SUGT1: variants seen among roughly 807,000 people sequenced by gnomAD.
SUGT1 encodes SGT1 assembly cochaperone of MIS12 kinetochore complex.
SUGT1 carries 15 observed loss-of-function variants against 56.1 expected under a neutral mutation model. The ratio of observed to expected loss-of-function variants is 0.27; its 90% CI spans 0.18 to 0.41. The LOEUF (loss-of-function observed/expected upper bound fraction) is 0.41, where lower values mean the gene tolerates loss of function less well. SUGT1 is among the 10% of genes least tolerant of loss of function. SUGT1 has a pLI of 1.00. For missense variants in SUGT1, 347 were observed against 382.2 expected (o/e 0.91, Z 0.77); for synonymous variants, 123 against 128.6 (o/e 0.96, Z 0.30).
chr13:52,659,284 C>A (rs1962313500), intron 5 of SUGT1, 35 bp downstream of exon 5: 1 of 1,284,826 alleles, frequency 7.8e-7, no homozygotes, highest in Non-Finnish European at 1.0e-6. Context: ...ATAAACTTAT[C>A]TATTTCTGTC....
In SUGT1 at chr13:52,699,379, G is replaced by T. The variant is rs573675290; in HGVS notation, c.*11544G>T. 1 of 152,288 alleles carries T rather than the reference G, an allele frequency of 6.6e-6. No homozygotes were observed. The highest frequency in any genetic ancestry group is 2.4e-5 in the African/African-American group (1 of 41,558). The allele number at this position is 152,288 out of a possible 1,614,324, so 9.4% of individuals were successfully genotyped here. Reference sequence around the variant, plus strand: ...CTGAGCAGAGAAATACTCAGAGAGAGCCATGGCATAGTACTAATTAATAAT... The same window carrying T: ...CTGAGCAGAGAAATACTCAGAGAGATCCATGGCATAGTACTAATTAATAAT... On this transcript the variant is annotated 3_prime_UTR_variant, in exon 13 of 13. Coordinates refer to ENST00000310528, the MANE Select transcript of SUGT1 (RefSeq NM_006704.5).
intron 10 of SUGT1, 64 bp downstream of exon 10, chr13:52,666,983 A>C: frequency 3.7e-6 from 4 of 1,077,126 alleles, no homozygotes; most frequent in Non-Finnish European, 5.6e-6. Flanking sequence ...CTGGTGAACT[A>C]ATCACCCATG....
At chr13:52,684,647 T>A (rs1285239132) in intron 12 of SUGT1, among the ~76,000 whole-genome samples, 1 of 152,042 alleles carries the variant, frequency 6.6e-6, no homozygotes, top group Non-Finnish European at 1.5e-5. Flanking sequence ...CGAGTAATCC[T>A]CCTGAGTAGC....
intron 8 of SUGT1, among the ~76,000 whole-genome samples, chr13:52,664,773 C>T (rs1360208370): frequency 6.6e-6 from 1 of 152,104 alleles, no homozygotes; most frequent in African/African-American, 2.4e-5. Context: ...CTTTGACTTG[C>T]CCTGGTGGCA....
At chr13:52,685,484 T>G (rs74088630) in intron 12 of SUGT1, among the ~76,000 whole-genome samples, 2,091 of 152,270 alleles carry the variant, frequency 0.014, 46 homozygotes, top group African/African-American at 0.048. Flanking sequence ...TACATCTACT[T>G]GATCTTCCCA....
At chr13:52,684,895 G>C (rs570909695) in intron 12 of SUGT1, among the ~76,000 whole-genome samples, 1 of 80,932 alleles carries the variant, frequency 1.2e-5, no homozygotes, top group Non-Finnish European at 2.3e-5. Flanking sequence ...GAGAGAGCAG[G>C]GGTTTGTTGG....
At position 52,686,428 on chromosome 13, in the gene SUGT1, T is replaced by C. The variant is rs552310023; in HGVS notation, c.901-1306T>C. Among the ~76,000 whole-genome samples the C allele has an allele frequency of 2.4e-4, 36 of 152,280 alleles. No individual in the cohort carries two copies. In the South Asian group the frequency reaches 7.5e-3, roughly 32 times the overall value. On this transcript the variant is annotated intron_variant, in intron 12 of 12. Transcript: ENST00000310528. Reference sequence around the variant, plus strand: ...AAGATAGAACCTTAAATTGCAACAATGCACTGTGACACATGTTATGTAAAT... The same window carrying C: ...AAGATAGAACCTTAAATTGCAACAACGCACTGTGACACATGTTATGTAAAT...
At chr13:52,657,879 A>G (rs762316480) in intron 3 of SUGT1, among the ~76,000 whole-genome samples, 9 of 152,190 alleles carry the variant, frequency 5.9e-5, no homozygotes, top group Non-Finnish European at 1.2e-4. Flanking sequence ...CATCACATTT[A>G]CTATTTGACA....
chr13:52,660,997 A>G (rs1962420243), intron 5 of SUGT1, among the ~76,000 whole-genome samples: 1 of 152,020 alleles, frequency 6.6e-6, no homozygotes, highest in Admixed American at 6.6e-5. Context: ...TTTTTTGCAG[A>G]GATGGGGATT....
Position 52,695,776 on chromosome 13 carries a change from A to G in SUGT1, c.*7941A>G, listed in dbSNP as rs1040933009. 3 of 152,206 alleles carry G rather than the reference A, an allele frequency of 2.0e-5. No individual in the cohort carries two copies. Among genetic ancestry groups the G allele is most frequent in the African/African-American group, 7.2e-5 (3 of 41,450 alleles). The allele number at this position is 152,206 out of a possible 1,614,324, so 9.4% of individuals were successfully genotyped here. A position where few individuals can be genotyped will look rare whatever the true frequency, so the allele number is the denominator to read the frequency against. On this transcript the variant is annotated 3_prime_UTR_variant, in exon 13 of 13. Coordinates refer to ENST00000310528, the MANE Select transcript of SUGT1 (RefSeq NM_006704.5). ...TTTCTGCAAAGGGCACTTACAGTCT[A>G]TTGCATATTCTTTGTTTTTAGTGTT...
chr13:52,659,305 AAGCTG>A, intron 5 of SUGT1, 56 bp downstream of exon 5: 7 of 1,122,780 alleles, frequency 6.2e-6, no homozygotes, highest in Non-Finnish European at 8.5e-6. Context: ...TTAAATACCA[AAGCTG>A]AATTTTGGTA....
chr13:52,659,243 TTAGA>T lies in SUGT1; in HGVS notation c.326_328+1del, dbSNP rs1280466683. On this transcript the variant is annotated frameshift_variant and splice_region_variant, in exon 5 of 13. Coordinates refer to ENST00000310528, the MANE Select transcript of SUGT1 (RefSeq NM_006704.5). LOFTEE classifies it high-confidence loss of function. Reference sequence around the variant, plus strand: ...AGAAACTTTTACAGAAGGACAAAAATTAGATAGTAAGTATTAAAAATTATACTTT... The same window carrying T: ...AGAAACTTTTACAGAAGGACAAAAATTAGTAAGTATTAAAAATTATACTTT... 1.4e-6 allele frequency: 2 copies of T among 1,474,424 alleles called. No homozygotes were observed. The highest frequency in any genetic ancestry group is 1.8e-6 in the Non-Finnish European group (2 of 1,113,686). The allele number at this position is 1,474,424 out of a possible 1,614,324, so 91.3% of individuals were successfully genotyped here.
chr13:52,654,183 GT>G (rs1254901316), intron 2 of SUGT1, among the ~76,000 whole-genome samples: 1 of 152,212 alleles, frequency 6.6e-6, no homozygotes, highest in Non-Finnish European at 1.5e-5. Context: ...GGGTCCAGGT[GT>G]GTTTTTTACA....
chr13:52,665,615 G>A, intron 8 of SUGT1, 22 bp from the exon 9 acceptor site: 1 of 1,457,066 alleles, frequency 6.9e-7, no homozygotes, highest in Non-Finnish European at 9.2e-7. Context: ...AGTTACCTAA[G>A]TTTCTTTTTT....
Position 52,697,961 on chromosome 13 carries a change from A to C in SUGT1, c.*10126A>C, listed in dbSNP as rs1963983735. ...TCTGCCGTTTATTCCTTAACACATT[A>C]AACTATAGGTAATAGCATATGTTAG... On this transcript the variant is annotated 3_prime_UTR_variant, in exon 13 of 13. Transcript: ENST00000310528. 1 of 152,200 alleles carries C rather than the reference A, an allele frequency of 6.6e-6. No individual in the cohort carries two copies. The highest frequency in any genetic ancestry group is 2.4e-5 in the African/African-American group (1 of 41,448). The allele number at this position is 152,200 out of a possible 1,614,324, so 9.4% of individuals were successfully genotyped here. A position where few individuals can be genotyped will look rare whatever the true frequency, so the allele number is the denominator to read the frequency against.
Position 52,688,685 on chromosome 13 carries a change from A to G in SUGT1, c.*850A>G, listed in dbSNP as rs965621325. On this transcript the variant is annotated 3_prime_UTR_variant, in exon 13 of 13. Coordinates refer to ENST00000310528, the MANE Select transcript of SUGT1 (RefSeq NM_006704.5). The stretch of plus-strand genomic sequence containing the variant: ...GGTTTATGGTAACTGCTGTGAGAGT[A>G]AATTAATGTGTATATGTTTAGTATT... 4 of 152,172 alleles carry G rather than the reference A, an allele frequency of 2.6e-5. No individual in the cohort carries two copies. The highest frequency in any genetic ancestry group is 9.7e-5 in the African/African-American group (4 of 41,432). The allele number at this position is 152,172 out of a possible 1,614,324, so 9.4% of individuals were successfully genotyped here.
intron 10 of SUGT1, among the ~76,000 whole-genome samples, chr13:52,673,086 C>A (rs1316674562): frequency 6.6e-6 from 1 of 152,130 alleles, no homozygotes; most frequent in African/African-American, 2.4e-5. Context: ...TTAATGGTTG[C>A]AGTAAAAACC....
chr13:52,681,814 G>A (rs937097653), intron 12 of SUGT1, among the ~76,000 whole-genome samples: 1 of 140,062 alleles, frequency 7.1e-6, no homozygotes, highest in Non-Finnish European at 1.5e-5. Flanking sequence ...AGCTTGGGCA[G>A]CAAAGTGAGA....
chr13:52,653,305 C>G (rs973587195), intron 2 of SUGT1, among the ~76,000 whole-genome samples: 1 of 152,170 alleles, frequency 6.6e-6, no homozygotes, highest in Non-Finnish European at 1.5e-5. Context: ...CTGTCTTGCC[C>G]TTTCCACTCC....
Sources: allele counts gnomAD v4.1 joint callset (sites outside exome capture counted in the v4.1 genomes callset), GRCh38; gene constraint gnomAD v4.1.1; transcripts MANE v1.5; gene names NCBI Gene and HGNC (gene_info 2026-07-23, HGNC 2026-07-21).